The following TEX26 variants were observed in gnomAD, a reference collection of about 807,000 sequenced individuals.
TEX26 encodes testis-expressed protein 26.
In TEX26, 34 loss-of-function variants were observed where a neutral mutation model predicts 35.3. The ratio of observed to expected loss-of-function variants is 0.96; its 90% confidence interval spans 0.73 to 1.28. The LOEUF (loss-of-function observed/expected upper bound fraction) is 1.28. Among genes scored for constraint, TEX26 ranks in the 50% most tolerant of loss-of-function variants. TEX26 has a pLI of 0.00. For missense variants in TEX26, 371 were observed against 330.1 expected, an observed-to-expected ratio of 1.12 and a Z score of -0.96; for synonymous variants, 136 against 111.8, an observed-to-expected ratio of 1.22 and a Z score of -1.36.
At chr13:30,944,240 T>C (rs981315202) in intron 2 of TEX26, among the ~76,000 whole-genome samples, 2 of 151,994 alleles carry the variant, frequency 1.3e-5, no homozygotes, top group Non-Finnish European at 2.9e-5. Context: ...CTAGTTTGAG[T>C]GCATTGAGGT....
intron 5 of TEX26, among the ~76,000 whole-genome samples, chr13:30,968,331 G>T (rs1954607611): frequency 6.6e-6 from 1 of 152,076 alleles, no homozygotes; most frequent in African/African-American, 2.4e-5. Context: ...TGATGGTAAA[G>T]GTTTCTTTTA....
intron 2 of TEX26, among the ~76,000 whole-genome samples, chr13:30,947,538 A>G (rs1208585191): frequency 6.6e-6 from 1 of 152,152 alleles, no homozygotes; most frequent in Admixed American, 6.6e-5. Context: ...ATTGAAAGCT[A>G]TTAATAAGAT....
intron 6 of TEX26, among the ~76,000 whole-genome samples, chr13:30,974,249 G>A (rs899508278): frequency 3.3e-5 from 5 of 150,512 alleles, no homozygotes; most frequent in Non-Finnish European, 7.4e-5. Flanking sequence ...GGAGTTGAAG[G>A]GCCTTCCCAA....
chr13:30,963,047 C>T (rs1954405876), intron 4 of TEX26, among the ~76,000 whole-genome samples: 1 of 151,584 alleles, frequency 6.6e-6, no homozygotes, highest in Admixed American at 6.6e-5. Context: ...CCAGGATGGT[C>T]TCAATCTCCC....
chr13:30,965,741 T>C (rs993362727), intron 4 of TEX26, among the ~76,000 whole-genome samples: 5 of 152,164 alleles, frequency 3.3e-5, no homozygotes, highest in Non-Finnish European at 5.9e-5. Context: ...GTTTTTTTTT[T>C]CCAGGTAATA....
At chr13:30,937,498 A>G (rs1953318245) in intron 1 of TEX26, among the ~76,000 whole-genome samples, 1 of 139,460 alleles carries the variant, frequency 7.2e-6, no homozygotes, top group Non-Finnish European at 1.6e-5. Flanking sequence ...AGTTCAAATC[A>G]GGTTAGAGAA....
chr13:30,963,266 A>G (rs955773687), intron 4 of TEX26, among the ~76,000 whole-genome samples: 1 of 152,152 alleles, frequency 6.6e-6, no homozygotes, highest in African/African-American at 2.4e-5. Flanking sequence ...GTGGAAAAGA[A>G]ACCCAGGGAG....
At chr13:30,949,860 T>C (rs1201313524) in intron 2 of TEX26, among the ~76,000 whole-genome samples, 3 of 152,180 alleles carry the variant, frequency 2.0e-5, no homozygotes, top group African/African-American at 7.2e-5. Flanking sequence ...AAGTATTTAC[T>C]AGTATTCAGT....
intron 5 of TEX26, among the ~76,000 whole-genome samples, chr13:30,967,239 A>T (rs1048355716): frequency 6.6e-6 from 1 of 152,184 alleles, no homozygotes; most frequent in African/African-American, 2.4e-5. Context: ...ATCAAGTAGC[A>T]CTTGAGACAA....
chr13:30,939,912 T>C (rs181287727), intron 2 of TEX26, 134 bp downstream of exon 2: 98 of 730,586 alleles, frequency 1.3e-4, no homozygotes, highest in Non-Finnish European at 1.7e-4. Flanking sequence ...GGCTACTGTG[T>C]GCACACCTCT....
At chr13:30,958,194 T>G (rs530936146) in intron 4 of TEX26, among the ~76,000 whole-genome samples, 17 of 152,340 alleles carry the variant, frequency 1.1e-4, no homozygotes, top group Non-Finnish European at 2.1e-4. Context: ...GATGACATCA[T>G]AGCTTCCATG....
chr13:30,942,970 G>A (rs1383248529), intron 2 of TEX26, among the ~76,000 whole-genome samples: 1 of 151,956 alleles, frequency 6.6e-6, no homozygotes, highest in Non-Finnish European at 1.5e-5. Context: ...TTGGCTATTT[G>A]GGCTCTCTTT....
chr13:30,964,092 CTG>C (rs1255385395), intron 4 of TEX26, among the ~76,000 whole-genome samples: 3 of 152,228 alleles, frequency 2.0e-5, no homozygotes, highest in African/African-American at 7.2e-5. Flanking sequence ...AAGCTCCTTA[CTG>C]TGACTGCCTT....
rs1953407849 is a variant in TEX26 at position 30,939,758 on chromosome 13, A to G, written c.126A>G (p.Gly42=). 6.2e-7 allele frequency: 1 copy of G among 1,614,050 alleles called. No homozygotes were observed. Among genetic ancestry groups the G allele is most frequent in the Non-Finnish European group, 8.5e-7 (1 of 1,179,894 alleles). ...GGACTGCATTCACGCCTAAAACAGG[A>G]GCAGTGCCTGCCTTAATTCGGTAGA... The part of the protein sequence containing the change: ...TMRTAFTPKT[G]AVPALIRQNG... The change falls in exon 2 of 7, where the codon GGA becomes GGG. Residue 42 remains glycine, a synonymous_variant. Transcript: ENST00000380473.
At chr13:30,932,938 C>T in intron 1 of TEX26, 162 bp downstream of exon 1, 1 of 696,958 alleles carries the variant, frequency 1.4e-6, no homozygotes, top group Admixed American at 2.9e-5. Flanking sequence ...AATGACAGGG[C>T]CTTCATGACG....
chr13:30,955,581 T>G (rs1292813585), intron 3 of TEX26, among the ~76,000 whole-genome samples: 1 of 152,180 alleles, frequency 6.6e-6, no homozygotes, highest in East Asian at 1.9e-4. Context: ...AGAATTTTGG[T>G]GCAAAGGGAA....
Position 30,952,761 on chromosome 13 carries a change from A to G in TEX26, c.248A>G (p.Lys83Arg), listed in dbSNP as rs895562298. 4 of 1,613,174 alleles carry G rather than the reference A, an allele frequency of 2.5e-6. No individual in the cohort carries two copies. Among genetic ancestry groups the G allele is most frequent in the African/African-American group, 2.7e-5 (2 of 75,038 alleles). Residue 83 changes from lysine (K) to arginine (R), a missense_variant, in exon 3 of 7, where the codon AAA (lysine) becomes AGA (arginine). Physicochemically the swap from Lys to Arg is conservative, Grantham distance 26. Coordinates refer to ENST00000380473, the MANE Select transcript of TEX26 (RefSeq NM_152325.3). Reference sequence around the variant, plus strand: ...GAGTACACTTGGAAATCACACTCTAAAGAAGATTTGATCAAAACTGAGACT... The same window carrying G: ...GAGTACACTTGGAAATCACACTCTAGAGAAGATTTGATCAAAACTGAGACT... ...SDEYTWKSHSKEDLIKTETSR... is the reference protein window; with the variant it reads ...SDEYTWKSHSREDLIKTETSR...
intron 3 of TEX26, among the ~76,000 whole-genome samples, chr13:30,955,876 A>C (rs982390987): frequency 1.3e-5 from 2 of 152,120 alleles, no homozygotes; most frequent in African/African-American, 4.8e-5. Flanking sequence ...TGGCTGGGAC[A>C]CGGTTGGTGG....
At position 30,949,073 on chromosome 13, in the gene TEX26, C is replaced by T. The variant is rs564514901; in HGVS notation, c.147-3587C>T. On this transcript the variant is annotated intron_variant, in intron 2 of 6. Coordinates refer to ENST00000380473, the MANE Select transcript of TEX26 (RefSeq NM_152325.3). ...TGTAGATATGCGGCATTATTTCTGA[C>T]GGCTCTGTTCTGTTCCATTGGTCTA... Among the ~76,000 whole-genome samples the T allele has an allele frequency of 1.5e-4, 23 of 152,194 alleles. 1 individual carries two copies. The highest frequency in any genetic ancestry group is 1.5e-3 in the South Asian group (7 of 4,826).
Sources: gnomAD v4.1 joint callset for allele counts (sites outside exome capture counted in the v4.1 genomes callset) on GRCh38, gnomAD v4.1.1 for gene constraint, MANE v1.5 for transcripts, NCBI Gene and HGNC (gene_info 2026-07-23, HGNC 2026-07-21) for gene names.